The following SPATA6 variants were observed in gnomAD, a reference collection of about 807,000 sequenced individuals.
SPATA6 encodes the protein spermatogenesis associated 6.
A neutral mutation model predicts 65.3 loss-of-function variants in SPATA6; 56 were observed. The observed-to-expected ratio is 0.86, with a 90% CI of 0.69 to 1.07. The LOEUF (loss-of-function observed/expected upper bound fraction) is 1.07, where lower values mean the gene tolerates loss of function less well. Ranked by LOEUF, SPATA6 falls within the 50% of genes least tolerant of loss-of-function variation. The pLI, the probability that SPATA6 is intolerant of heterozygous loss-of-function variation, is 0.00. For missense variants in SPATA6, 590 were observed against 594.8 expected (o/e 0.99, Z 0.08); for synonymous variants, 199 against 213.2 (o/e 0.93, Z 0.58).
chr1:48,276,016 AT>A, the SPATA6 span, among the ~76,000 whole-genome samples: 1 of 151,842 alleles, frequency 6.6e-6, no homozygotes, highest in Non-Finnish European at 1.5e-5. Flanking sequence ...TTCAGAACTT[AT>A]TATTGGTCTA....
At chr1:48,341,797 G>A (rs1311240488) in intron 11 of SPATA6, among the ~76,000 whole-genome samples, 3 of 152,176 alleles carry the variant, frequency 2.0e-5, no homozygotes, top group Admixed American at 1.3e-4. Flanking sequence ...TGCATGGTAA[G>A]TGCTTAGTTA....
At chr1:48,445,729 A>G (rs1557719802) in intron 3 of SPATA6, among the ~76,000 whole-genome samples, 1 of 150,152 alleles carries the variant, frequency 6.7e-6, no homozygotes, top group Non-Finnish European at 1.5e-5. Context: ...GAACATGTGT[A>G]CATAGGCTAT....
chr1:48,454,971 A>G (rs1449788140), intron 1 of SPATA6, among the ~76,000 whole-genome samples: 2 of 152,336 alleles, frequency 1.3e-5, no homozygotes, highest in East Asian at 1.9e-4. Flanking sequence ...TTTTGTACAT[A>G]CTAATTATCT....
the SPATA6 span, among the ~76,000 whole-genome samples, chr1:48,281,144 T>TA: frequency 6.6e-6 from 1 of 152,146 alleles, no homozygotes; most frequent in African/African-American, 2.4e-5. Context: ...CCTTTCATGC[T>TA]AAAAAATCTC....
At chr1:48,349,293 T>C (rs1420981984) in intron 11 of SPATA6, among the ~76,000 whole-genome samples, 2 of 151,988 alleles carry the variant, frequency 1.3e-5, no homozygotes, top group Non-Finnish European at 2.9e-5. Context: ...GTATTTAACA[T>C]CTTACAGTCT....
chr1:48,262,835 T>C, the SPATA6 span: 5 of 152,144 alleles, frequency 3.3e-5, no homozygotes, highest in South Asian at 2.1e-4. Flanking sequence ...CACAAAATAA[T>C]GGACATTTGA....
At chr1:48,355,896 C>T (rs528421959) in intron 10 of SPATA6, 127 bp from the exon 11 acceptor site, 2 of 638,204 alleles carry the variant, frequency 3.1e-6, no homozygotes, top group East Asian at 2.8e-5. Context: ...TTGGGGAGAA[C>T]ATACCTATAT....
chr1:48,444,088 A>G (rs1655775095), intron 3 of SPATA6, among the ~76,000 whole-genome samples: 2 of 152,162 alleles, frequency 1.3e-5, no homozygotes, highest in African/African-American at 4.8e-5. Flanking sequence ...CTGTTTAGAG[A>G]GGGGACTGAG....
chr1:48,313,042 T>C (rs917880251), intron 11 of SPATA6, among the ~76,000 whole-genome samples: 3 of 152,172 alleles, frequency 2.0e-5, no homozygotes, highest in Non-Finnish European at 4.4e-5. Flanking sequence ...TATGGGACTA[T>C]GTGAAAAGAC....
chr1:48,363,041 A>G (rs11205477), intron 9 of SPATA6, among the ~76,000 whole-genome samples: 148,788 of 152,218 alleles, frequency 0.98, 72,807 homozygotes, highest in East Asian at 1. Context: ...AAGACGTCAA[A>G]TACAAGTAAT....
chr1:48,362,421 CT>C (rs1646842718), intron 9 of SPATA6, among the ~76,000 whole-genome samples: 1 of 152,024 alleles, frequency 6.6e-6, no homozygotes, highest in Non-Finnish European at 1.5e-5. Flanking sequence ...TCATTTTTAT[CT>C]GCTAAATTTT....
chr1:48,334,260 C>T (rs74528094), intron 11 of SPATA6, among the ~76,000 whole-genome samples: 1 of 151,876 alleles, frequency 6.6e-6, no homozygotes, highest in African/African-American at 2.4e-5. Context: ...GGAGGAGCTA[C>T]TCCTCCTCAA....
chr1:48,326,845 A>G (rs1339966461), intron 11 of SPATA6, among the ~76,000 whole-genome samples: 1 of 152,206 alleles, frequency 6.6e-6, no homozygotes, highest in Non-Finnish European at 1.5e-5. Context: ...ATACACAGTA[A>G]TTAATTCATG....
the SPATA6 span, among the ~76,000 whole-genome samples, chr1:48,283,085 A>C: frequency 6.6e-6 from 1 of 151,378 alleles, no homozygotes; most frequent in Non-Finnish European, 1.5e-5. Flanking sequence ...TCGCAAGAAC[A>C]AAAAACCAAA....
chr1:48,466,062 TC>T, intron 1 of SPATA6, among the ~76,000 whole-genome samples: 1 of 152,130 alleles, frequency 6.6e-6, no homozygotes, highest in Non-Finnish European at 1.5e-5. Context: ...ACAAAAGTAG[TC>T]TAGTCAATTT....
In SPATA6 at chr1:48,472,079, G is replaced by A; in HGVS notation, c.-71C>T. 1 of 1,219,260 alleles carries A rather than the reference G, an allele frequency of 8.2e-7. No individual in the cohort carries two copies. The highest frequency in any genetic ancestry group is 1.1e-6 in the Non-Finnish European group (1 of 914,716). The allele number at this position is 1,219,260 out of a possible 1,614,324, so 75.5% of individuals were successfully genotyped here. ...AGTGAGGCGGGGAGACCTGGGGCTG[G>A]GCGGGGACGGGGAGGAGACGAGGTG... On this transcript the variant is annotated 5_prime_UTR_variant, in exon 1 of 13. Coordinates refer to ENST00000371847, the MANE Select transcript of SPATA6 (RefSeq NM_019073.4).
chr1:48,380,413 G>A (rs958300555), intron 9 of SPATA6, among the ~76,000 whole-genome samples: 2 of 152,156 alleles, frequency 1.3e-5, no homozygotes, highest in Admixed American at 6.5e-5. Context: ...GGAATCCAGC[G>A]ATGAGAGTGG....
the SPATA6 span, among the ~76,000 whole-genome samples, chr1:48,280,505 C>G: frequency 6.6e-6 from 1 of 152,054 alleles, no homozygotes; most frequent in South Asian, 2.1e-4. Context: ...GGGGATATCA[C>G]CACCGATCAC....
At chr1:48,342,375 G>A (rs1646242129) in intron 11 of SPATA6, among the ~76,000 whole-genome samples, 1 of 152,010 alleles carries the variant, frequency 6.6e-6, no homozygotes, top group South Asian at 2.1e-4. Flanking sequence ...TATCACTTTG[G>A]GAGGCTGAGG....
Sources: gnomAD v4.1 joint callset for allele counts (sites outside exome capture counted in the v4.1 genomes callset) on GRCh38, gnomAD v4.1.1 for gene constraint, MANE v1.5 for transcripts, NCBI Gene and HGNC (gene_info 2026-07-23, HGNC 2026-07-21) for gene names.